Variants in ANO3 observed in about 807,000 individuals in gnomAD.
ANO3 encodes the protein anoctamin 3.
A neutral mutation model predicts 144.8 loss-of-function variants in ANO3; 99 were observed. The observed-to-expected ratio is 0.68, with a 90% CI of 0.58 to 0.81. The LOEUF is 0.81. Among genes scored for constraint, ANO3 ranks in the 30% least tolerant of loss-of-function variants. ANO3 has a pLI of 0.00. For missense variants in ANO3, 905 were observed against 1,202.2 expected (o/e 0.75, Z 3.66); for synonymous variants, 414 against 392.6 (o/e 1.05, Z -0.64).
At chr11:26,399,404 A>G (rs1475398219) in intron 1 of ANO3, among the ~76,000 whole-genome samples, 5 of 151,904 alleles carry the variant, frequency 3.3e-5, no homozygotes, top group African/African-American at 1.2e-4. Context: ...ACACACACAA[A>G]GTCCATTAAA....
chr11:26,525,743 T>G, intron 7 of ANO3, 64 bp downstream of exon 7: 1 of 1,263,890 alleles, frequency 7.9e-7, no homozygotes, highest in Non-Finnish European at 1.1e-6. Flanking sequence ...TAAGAAGATA[T>G]TTGATTCCCC....
Position 26,581,307 on chromosome 11 carries a change from CT to C in ANO3, c.1448-17044del, listed in dbSNP as rs5790592. Among the ~76,000 whole-genome samples, 459 of 140,934 alleles carry C rather than the reference CT, an allele frequency of 3.3e-3. 1 individual carries two copies. The highest frequency in any genetic ancestry group is 9.3e-3 in the African/African-American group (356 of 38,318). 92.5% of individuals were successfully genotyped at this position (140,934 alleles called of 152,430 possible). A position where few individuals can be genotyped will look rare whatever the true frequency, so the allele number is the denominator to read the frequency against. On this transcript the variant is annotated intron_variant, in intron 14 of 26. Coordinates refer to ENST00000256737, the MANE Select transcript of ANO3 (RefSeq NM_031418.4). ...TTCTTTGGAAATATGGTGCAATTCC[CT>C]TTTTTTTTTTTTTGTATGCTCACTA...
intron 1 of ANO3, among the ~76,000 whole-genome samples, chr11:26,304,132 C>T (rs149004123): frequency 8.3e-4 from 126 of 152,096 alleles, no homozygotes; most frequent in Middle Eastern, 3.4e-3. Flanking sequence ...TCATTTTCTT[C>T]GATTACTACT....
At chr11:26,307,525 A>G (rs1401467209), upstream of ANO3, among the ~76,000 whole-genome samples, 2 of 151,930 alleles carry the variant, frequency 1.3e-5, no homozygotes, top group Admixed American at 6.6e-5. Context: ...ATATGGTGAA[A>G]TGTCTCTACT....
intron 3 of ANO3, among the ~76,000 whole-genome samples, chr11:26,457,971 T>G (rs1267907273): frequency 1.3e-5 from 2 of 152,124 alleles, no homozygotes. Flanking sequence ...GGAAGCATCA[T>G]CAAATTAATA....
chr11:26,622,379 C>T (rs894827405), intron 17 of ANO3, among the ~76,000 whole-genome samples: 5 of 145,336 alleles, frequency 3.4e-5, no homozygotes, highest in Admixed American at 7.1e-5. Flanking sequence ...GAGGCTGGGG[C>T]GGATGAGGAA....
intron 6 of ANO3, among the ~76,000 whole-genome samples, chr11:26,523,760 C>T (rs1377457860): frequency 6.6e-6 from 1 of 152,084 alleles, no homozygotes; most frequent in Non-Finnish European, 1.5e-5. Flanking sequence ...TCTCCAAAAG[C>T]ATTTTCTCAA....
intron 4 of ANO3, among the ~76,000 whole-genome samples, chr11:26,476,889 TTG>T (rs909812537): frequency 4.4e-5 from 6 of 136,392 alleles, no homozygotes; most frequent in African/African-American, 1.4e-4. Context: ...TGTTATAATT[TTG>T]TGTGTGTGTG....
chr11:26,355,839 C>A lies in ANO3; in HGVS notation c.46+23518C>A, dbSNP rs140109898. The stretch of plus-strand genomic sequence containing the variant: ...CCTCCCAAAGTGCTGGGATTACAGG[C>A]GTGAGCCACCGTGCCAAGCCCCCGC... On this transcript the variant is annotated intron_variant, in intron 1 of 26. Transcript: ENST00000256737. 9.2e-3 allele frequency among the ~76,000 whole-genome samples: 1,406 copies of A among 152,234 alleles called. 9 individuals are homozygous for A. Among genetic ancestry groups the A allele is most frequent in the Non-Finnish European group, 0.014 (968 of 68,014 alleles).
chr11:26,521,347 T>A (rs914164619), intron 6 of ANO3, among the ~76,000 whole-genome samples: 8 of 152,230 alleles, frequency 5.3e-5, no homozygotes, highest in Non-Finnish European at 1.2e-4. Flanking sequence ...TTTATTCAAC[T>A]TTGAAACCTA....
chr11:26,382,095 T>G (rs983900838), intron 1 of ANO3, among the ~76,000 whole-genome samples: 1 of 152,186 alleles, frequency 6.6e-6, no homozygotes, highest in Non-Finnish European at 1.5e-5. Flanking sequence ...ATGAAATCTA[T>G]CTATTAATAA....
intron 14 of ANO3, among the ~76,000 whole-genome samples, chr11:26,567,763 A>G (rs147830518): frequency 1.1e-3 from 174 of 152,152 alleles, no homozygotes; most frequent in African/African-American, 4.0e-3. Context: ...TAAGAGCCTC[A>G]AACCTAAGTG....
At chr11:26,557,496 C>T (rs1346454522) in intron 13 of ANO3, among the ~76,000 whole-genome samples, 1 of 151,720 alleles carries the variant, frequency 6.6e-6, no homozygotes, top group Non-Finnish European at 1.5e-5. Flanking sequence ...AAATGCTTGC[C>T]ATGGGTCCCT....
intron 6 of ANO3, among the ~76,000 whole-genome samples, chr11:26,520,263 A>G (rs181609349): frequency 6.6e-6 from 1 of 152,280 alleles, no homozygotes; most frequent in Admixed American, 6.5e-5. Flanking sequence ...GATTTTGAAG[A>G]GGATGTTTTC....
At chr11:26,322,748 T>A (rs1238362754) in intron 1 of ANO3, among the ~76,000 whole-genome samples, 1 of 152,152 alleles carries the variant, frequency 6.6e-6, no homozygotes, top group Non-Finnish European at 1.5e-5. Context: ...TTTATCAGGT[T>A]TCTCTACTGT....
upstream of ANO3, among the ~76,000 whole-genome samples, chr11:26,307,270 C>T (rs1854404779): frequency 6.6e-6 from 1 of 152,158 alleles, no homozygotes; most frequent in Non-Finnish European, 1.5e-5. Context: ...AGGAGAATCG[C>T]TTCAACCCAG....
At chr11:26,245,834 G>A (rs1195634066) in intron 1 of ANO3, among the ~76,000 whole-genome samples, 1 of 152,106 alleles carries the variant, frequency 6.6e-6, no homozygotes, top group Non-Finnish European at 1.5e-5. Context: ...GGAATTCAAT[G>A]AGCTTGAAGA....
intron 1 of ANO3, among the ~76,000 whole-genome samples, chr11:26,390,876 T>G (rs1856857817): frequency 6.6e-6 from 1 of 152,036 alleles, no homozygotes; most frequent in Non-Finnish European, 1.5e-5. Context: ...TAGATAAAAA[T>G]TAGGGCAAGT....
intron 1 of ANO3, among the ~76,000 whole-genome samples, chr11:26,300,168 G>T (rs1854191558): frequency 6.6e-6 from 1 of 151,932 alleles, no homozygotes; most frequent in African/African-American, 2.4e-5. Flanking sequence ...ATAGGTATGA[G>T]TATGGAGGAA....
Sources: gnomAD v4.1 joint callset for allele counts (sites outside exome capture counted in the v4.1 genomes callset) on GRCh38, gnomAD v4.1.1 for gene constraint, MANE v1.5 for transcripts, NCBI Gene and HGNC (gene_info 2026-07-23, HGNC 2026-07-21) for gene names.